Variants in STYXL1 observed in about 807,000 individuals in gnomAD.
The protein encoded by STYXL1 is serine/threonine/tyrosine interacting like 1.
Under a neutral mutation model 36.4 loss-of-function variants are expected in STYXL1, and 32 were observed. The ratio of observed to expected loss-of-function variants is 0.88; its 90% CI spans 0.66 to 1.18. The LOEUF is 1.18. STYXL1 is among the 50% of genes most tolerant of loss of function. STYXL1 has a pLI of 0.00. For synonymous variants in STYXL1, 133 were observed against 144.1 expected (o/e 0.92, Z 0.55); for missense variants, 354 against 394.1 (o/e 0.90, Z 0.86).
chr7:76,012,822 G>A (rs930955287), intron 5 of STYXL1, among the ~76,000 whole-genome samples: 11 of 152,168 alleles, frequency 7.2e-5, no homozygotes, highest in South Asian at 2.1e-4. Context: ...GTGAGCCACC[G>A]TGCCTGACCA....
chr7:76,018,685 C>T (rs938221078), intron 4 of STYXL1, among the ~76,000 whole-genome samples: 4 of 152,196 alleles, frequency 2.6e-5, no homozygotes, highest in South Asian at 2.1e-4. Context: ...TTAGCCACAG[C>T]GCCCAGCCCC....
chr7:76,035,030 T>TG (rs1442812551), intron 1 of STYXL1, among the ~76,000 whole-genome samples: 3 of 150,690 alleles, frequency 2.0e-5, no homozygotes, highest in Non-Finnish European at 4.5e-5. Flanking sequence ...CTCCAGTACC[T>TG]GCTCCTCATT....
At chr7:76,017,896 A>G (rs1324465749) in intron 4 of STYXL1, among the ~76,000 whole-genome samples, 1 of 148,826 alleles carries the variant, frequency 6.7e-6, no homozygotes, top group South Asian at 2.1e-4. Flanking sequence ...AGACAGAAGA[A>G]AAAAGAAAAA....
chr7:76,028,819 G>A, intron 2 of STYXL1, 116 bp from the exon 3 acceptor site: 1 of 960,694 alleles, frequency 1.0e-6, no homozygotes, highest in Non-Finnish European at 1.6e-6. Flanking sequence ...GATAGTCATT[G>A]TCAGTTTAAA....
chr7:76,047,973 A>C lies in STYXL1; in HGVS notation c.-316T>G, dbSNP rs1797357772. On this transcript the variant is annotated 5_prime_UTR_variant, in exon 1 of 9. Transcript: ENST00000359697. Reference sequence around the variant, plus strand: ...ACACCGGGGTTGCCAGGATGGTCCCACAGCTTTCCTTTCCGACTCCCGGAA... The same window carrying C: ...ACACCGGGGTTGCCAGGATGGTCCCCCAGCTTTCCTTTCCGACTCCCGGAA... 5 of 1,477,472 alleles carry C rather than the reference A, an allele frequency of 3.4e-6. No homozygotes were observed. The South Asian group carries it at 5.3e-5, about 16-fold the overall frequency. The allele number at this position is 1,477,472 out of a possible 1,614,324, so 91.5% of individuals were successfully genotyped here.
intron 4 of STYXL1, among the ~76,000 whole-genome samples, chr7:76,017,423 C>A (rs1554574338): frequency 2.6e-5 from 4 of 152,126 alleles, no homozygotes. Flanking sequence ...ATGGATGGAG[C>A]TGGAGGCCAT....
At chr7:76,047,205 G>A (rs1269346921) in intron 1 of STYXL1, among the ~76,000 whole-genome samples, 1 of 152,078 alleles carries the variant, frequency 6.6e-6, no homozygotes, top group Non-Finnish European at 1.5e-5. Context: ...AGGTTGCAGT[G>A]AGCCAAGATC....
At chr7:76,037,366 G>T (rs999157263) in intron 1 of STYXL1, among the ~76,000 whole-genome samples, 6 of 150,334 alleles carry the variant, frequency 4.0e-5, no homozygotes, top group Non-Finnish European at 8.9e-5. Flanking sequence ...TTCAAACCAG[G>T]GGTTCGTGGG....
At chr7:76,013,107 T>C (rs1434623836) in intron 5 of STYXL1, among the ~76,000 whole-genome samples, 3 of 152,078 alleles carry the variant, frequency 2.0e-5, no homozygotes, top group Non-Finnish European at 2.9e-5. Context: ...GGTGGATCAC[T>C]TGAGGTCAGG....
intron 4 of STYXL1, among the ~76,000 whole-genome samples, chr7:76,020,459 C>T (rs1554575720): frequency 2.0e-5 from 3 of 152,132 alleles, no homozygotes; most frequent in Admixed American, 1.3e-4. Flanking sequence ...CTCAGAGGTT[C>T]GATGGAGCAC....
intron 3 of STYXL1, among the ~76,000 whole-genome samples, chr7:76,025,143 G>C (rs1794538183): frequency 7.4e-6 from 1 of 134,546 alleles, no homozygotes; most frequent in South Asian, 2.9e-4. Flanking sequence ...TGAGAACACG[G>C]GCGGGAGGGG....
At chr7:76,031,331 CAAAAAAAAAAAA>C (rs60550486) in intron 1 of STYXL1, among the ~76,000 whole-genome samples, 4 of 42,296 alleles carry the variant, frequency 9.5e-5, no homozygotes, top group African/African-American at 1.2e-4. Context: ...ACTCTGTCTC[CAAAAAAAAAAAA>C]AAAAAAAAAA....
intron 4 of STYXL1, among the ~76,000 whole-genome samples, chr7:76,016,108 G>T (rs534140535): frequency 1.3e-5 from 2 of 151,508 alleles, no homozygotes; most frequent in Non-Finnish European, 2.9e-5. Context: ...ACATATACAC[G>T]CATATATATA....
intron 3 of STYXL1, among the ~76,000 whole-genome samples, chr7:76,025,312 AT>A (rs1176153898): frequency 2.6e-5 from 4 of 151,092 alleles, no homozygotes; most frequent in Non-Finnish European, 5.9e-5. Flanking sequence ...AAAAATAAAA[AT>A]AAAAATTAAA....
At chr7:76,013,543 G>C (rs1435434289) in intron 5 of STYXL1, among the ~76,000 whole-genome samples, 199 bp downstream of exon 5, 1 of 151,726 alleles carries the variant, frequency 6.6e-6, no homozygotes, top group African/African-American at 2.4e-5. Context: ...TTCTGCCTCA[G>C]CTTCCCTAGT....
chr7:76,033,334 GGGTCTCACACTATGTTGCCCAGTCT>G (rs763095753), intron 1 of STYXL1, among the ~76,000 whole-genome samples: 266 of 151,978 alleles, frequency 1.8e-3, no homozygotes, highest in Non-Finnish European at 3.2e-3. Context: ...GTGGAGATGG[GGGTCTCACACTATGTTGCCCAGTCT>G]GGTCTCAAAC....
At chr7:76,017,939 AC>A (rs1470655916) in intron 4 of STYXL1, among the ~76,000 whole-genome samples, 8 of 150,926 alleles carry the variant, frequency 5.3e-5, no homozygotes, top group Non-Finnish European at 1.0e-4. Flanking sequence ...TATGCTCACT[AC>A]CTGGGTGATG....
At chr7:76,023,162 T>C (rs1181799055) in intron 3 of STYXL1, among the ~76,000 whole-genome samples, 1 of 151,942 alleles carries the variant, frequency 6.6e-6, no homozygotes, top group Non-Finnish European at 1.5e-5. Context: ...CCTCTCTGCT[T>C]CCCACTCCAC....
At chr7:76,044,804 T>A (rs1424881171) in intron 1 of STYXL1, 1 of 152,232 alleles carries the variant, frequency 6.6e-6, no homozygotes, top group African/African-American at 2.4e-5. Context: ...CAAGCGATTG[T>A]TTCATGTCAG....
Sources: gnomAD v4.1 joint callset for allele counts (sites outside exome capture counted in the v4.1 genomes callset) on GRCh38, gnomAD v4.1.1 for gene constraint, MANE v1.5 for transcripts, NCBI Gene and HGNC (gene_info 2026-07-23, HGNC 2026-07-21) for gene names.